FBXO34: variants seen among roughly 807,000 people sequenced by gnomAD.
FBXO34 encodes F-box only protein 34.
A neutral mutation model predicts 24.5 loss-of-function variants in FBXO34; 12 were observed. The observed-to-expected ratio is 0.49, with a 90% CI of 0.31 to 0.79. FBXO34 has a LOEUF of 0.79. FBXO34 is among the 30% of genes least tolerant of loss of function. FBXO34 has a pLI of 0.04. For missense variants in FBXO34, 823 were observed against 857.7 expected, an observed-to-expected ratio of 0.96 and a Z score of 0.51; for synonymous variants, 320 against 311.9, an observed-to-expected ratio of 1.03 and a Z score of -0.27.
At chr14:55,316,430 A>T (rs1023273154) in intron 1 of FBXO34, among the ~76,000 whole-genome samples, 2 of 144,740 alleles carry the variant, frequency 1.4e-5, no homozygotes, top group Non-Finnish European at 3.0e-5. Flanking sequence ...CTACAAAAAT[A>T]AAAAAAAAAA....
the FBXO34 span, among the ~76,000 whole-genome samples, chr14:55,389,969 A>C: frequency 6.6e-6 from 1 of 152,212 alleles, no homozygotes; most frequent in Non-Finnish European, 1.5e-5. Context: ...GAAAAAAAAA[A>C]CAATATTCTG....
In FBXO34 at chr14:55,290,250, C is replaced by G. The variant is rs1881899770; in HGVS notation, c.-11+18713C>G. 2.6e-5 allele frequency among the ~76,000 whole-genome samples: 4 copies of G among 151,762 alleles called. No individual in the cohort carries two copies. In the South Asian group the frequency reaches 8.3e-4, roughly 32 times the overall value. ...CTCTACTAAAAAATGCAAAATTAGC[C>G]TGGTGTGGTGGCAGGTGCCTTAATC... On this transcript the variant is annotated intron_variant, in intron 1 of 1. Transcript: ENST00000313833.
At chr14:55,356,334 C>T (rs1884522418), downstream of FBXO34, among the ~76,000 whole-genome samples, 1 of 152,168 alleles carries the variant, frequency 6.6e-6, no homozygotes, top group Non-Finnish European at 1.5e-5. Context: ...TTGTGTACAC[C>T]ACCGACTAAA....
downstream of FBXO34, chr14:55,369,996 TGA>T: frequency 3.4e-6 from 5 of 1,457,044 alleles, no homozygotes; most frequent in Non-Finnish European, 4.6e-6. Flanking sequence ...GCCATCTTCC[TGA>T]AGGCCCTCAC....
the FBXO34 span, among the ~76,000 whole-genome samples, chr14:55,419,660 A>G: frequency 1.3e-5 from 2 of 152,190 alleles, no homozygotes; most frequent in Non-Finnish European, 2.9e-5. Context: ...AACCTTAGAC[A>G]TGGTGGCTGT....
At chr14:55,271,899 G>C (rs1881159391) in intron 1 of FBXO34, 1 of 152,290 alleles carries the variant, frequency 6.6e-6, no homozygotes, top group East Asian at 1.9e-4. Context: ...AGGGCGGTGA[G>C]GAAGTCAGCC....
At position 55,299,422 on chromosome 14, in the gene FBXO34, G is replaced by A. The variant is rs1431296278; in HGVS notation, c.-11+27885G>A. Among the ~76,000 whole-genome samples, 15 of 151,546 alleles carry A rather than the reference G, an allele frequency of 9.9e-5. 1 individual carries two copies. The highest frequency in any genetic ancestry group is 9.9e-4 in the Admixed American group (15 of 15,180). On this transcript the variant is annotated intron_variant, in intron 1 of 1. Transcript: ENST00000313833. ...CGGGTAGAGGGGGGTTGCGGGGCACGGGGGCTGTGGGGGAGAAGTGCCTGC... is the reference window on the plus strand; with the variant it reads ...CGGGTAGAGGGGGGTTGCGGGGCACAGGGGCTGTGGGGGAGAAGTGCCTGC...
chr14:55,356,140 G>A (rs75650094), downstream of FBXO34, among the ~76,000 whole-genome samples: 8 of 152,304 alleles, frequency 5.3e-5, no homozygotes, highest in East Asian at 1.5e-3. Flanking sequence ...TTCTAACTTG[G>A]ACTTGTCAGT....
the FBXO34 span, chr14:55,414,500 C>G: frequency 6.6e-6 from 9 of 1,371,540 alleles, no homozygotes; most frequent in Non-Finnish European, 9.0e-6. Flanking sequence ...ATAAAAATAC[C>G]AACATTTACT....
At chr14:55,329,422 T>C (rs1407312690) in intron 1 of FBXO34, among the ~76,000 whole-genome samples, 1 of 152,140 alleles carries the variant, frequency 6.6e-6, no homozygotes, top group African/African-American at 2.4e-5. Context: ...GCTTAGAATA[T>C]GAACACTTAG....
At chr14:55,338,417 G>C (rs973630811) in intron 1 of FBXO34, among the ~76,000 whole-genome samples, 8 of 151,990 alleles carry the variant, frequency 5.3e-5, no homozygotes, top group African/African-American at 1.5e-4. Flanking sequence ...CTCTGATTCA[G>C]TTTCTTCATC....
chr14:55,280,814 C>T (rs921022575), intron 1 of FBXO34, among the ~76,000 whole-genome samples: 6 of 152,046 alleles, frequency 3.9e-5, no homozygotes, highest in African/African-American at 1.5e-4. Context: ...GCGTGAACCA[C>T]CACGCCCAGC....
intron 1 of FBXO34, among the ~76,000 whole-genome samples, chr14:55,303,938 G>A (rs183536537): frequency 7.9e-4 from 121 of 152,320 alleles, no homozygotes; most frequent in African/African-American, 2.7e-3. Flanking sequence ...TGGGACTGAT[G>A]TAAAGAATGT....
At position 55,352,267 on chromosome 14, in the gene FBXO34, G is replaced by A. The variant is rs372485384; in HGVS notation, c.1877G>A (p.Arg626His). 5.3e-5 allele frequency: 85 copies of A among 1,613,974 alleles called. No homozygotes were observed. Among genetic ancestry groups the A allele is most frequent in the Non-Finnish European group, 6.4e-5 (75 of 1,180,020 alleles). Residue 626 changes from arginine (R) to histidine (H), a missense_variant, in exon 2 of 2, where the codon CGC becomes CAC. By Grantham distance (29) the Arg-to-His change is conservative (BLOSUM62 0). This residue lies in a region of FBXO34 where 130 missense variants were observed against 198.6 expected (regional missense o/e 0.65). Transcript: ENST00000313833. ...PADSRWVRDP[R>H]YREDPCKQCK... Reference sequence around the variant, plus strand: ...GATTCTCGCTGGGTTCGAGATCCACGCTATAGAGAGGATCCTTGCAAACAG... The same window carrying A: ...GATTCTCGCTGGGTTCGAGATCCACACTATAGAGAGGATCCTTGCAAACAG...
At chr14:55,405,472 A>G in the FBXO34 span, among the ~76,000 whole-genome samples, 426 of 152,328 alleles carry the variant, frequency 2.8e-3, 1 homozygote, top group Non-Finnish European at 4.6e-3. Flanking sequence ...AGTAGTATCT[A>G]TATGTTCATA....
At chr14:55,316,077 G>A (rs140703871) in intron 1 of FBXO34, among the ~76,000 whole-genome samples, 2 of 152,066 alleles carry the variant, frequency 1.3e-5, no homozygotes, top group African/African-American at 2.4e-5. Flanking sequence ...GCATGCTTGT[G>A]CTTGCCCTGT....
chr14:55,371,575 G>T (rs578195398), downstream of FBXO34, among the ~76,000 whole-genome samples: 2 of 151,892 alleles, frequency 1.3e-5, no homozygotes, highest in African/African-American at 4.8e-5. Flanking sequence ...GGGAGGCTGC[G>T]GCGGGCAGAT....
chr14:55,292,334 G>A (rs192632466), intron 1 of FBXO34, among the ~76,000 whole-genome samples: 2 of 152,120 alleles, frequency 1.3e-5, no homozygotes, highest in African/African-American at 4.8e-5. Flanking sequence ...CTATGCCACT[G>A]GGTAGTATTA....
At chr14:55,327,150 A>T (rs1389918503) in intron 1 of FBXO34, among the ~76,000 whole-genome samples, 1 of 152,194 alleles carries the variant, frequency 6.6e-6, no homozygotes, top group Non-Finnish European at 1.5e-5. Flanking sequence ...AGCCTGCAGG[A>T]TGCAAAAGAG....
Sources: gnomAD v4.1 joint callset for allele counts (sites outside exome capture counted in the v4.1 genomes callset) on GRCh38, gnomAD v4.1.1 for gene constraint, gnomAD v4.1.1 regional missense constraint, MANE v1.5 for transcripts, NCBI Gene and HGNC (gene_info 2026-07-23, HGNC 2026-07-21) for gene names.